The following OSBPL6 variants were observed in gnomAD, a reference collection of about 807,000 sequenced individuals.
The protein encoded by OSBPL6 is oxysterol-binding protein-related protein 6.
In OSBPL6, 49 loss-of-function variants were observed where a neutral mutation model predicts 125.8. The observed-to-expected ratio is 0.39, with a 90% CI of 0.31 to 0.49. The LOEUF (loss-of-function observed/expected upper bound fraction) is 0.49. Ranked by LOEUF, OSBPL6 falls within the 20% of genes least tolerant of loss-of-function variation. OSBPL6 has a pLI of 0.88. For synonymous variants in OSBPL6, 394 were observed against 391.8 expected, an observed-to-expected ratio of 1.01 and a Z score of -0.07; for missense variants, 986 against 1,135.4, an observed-to-expected ratio of 0.87 and a Z score of 1.89.
intron 2 of OSBPL6, among the ~76,000 whole-genome samples, chr2:178,293,226 A>G (rs746623200): frequency 2.6e-5 from 4 of 152,146 alleles, no homozygotes; most frequent in Non-Finnish European, 4.4e-5. Flanking sequence ...TGTGTACTGA[A>G]TCAAGTACAG....
intron 1 of OSBPL6, among the ~76,000 whole-genome samples, chr2:178,268,057 T>A (rs2092288875): frequency 6.6e-6 from 1 of 151,602 alleles, no homozygotes; most frequent in South Asian, 2.1e-4. Flanking sequence ...TTAAAGTAAA[T>A]ATGGTGCTTT....
rs1275846414 is a variant in OSBPL6 at position 178,384,125 on chromosome 2, G to A, written c.1962G>A (p.Glu654=). 1 of 1,614,002 alleles carries A rather than the reference G, an allele frequency of 6.2e-7. No homozygotes were observed. Among genetic ancestry groups the A allele is most frequent in the Non-Finnish European group, 8.5e-7 (1 of 1,179,998 alleles). Residue 654 remains glutamate, a synonymous_variant, in exon 18 of 25, where the codon GAG becomes GAA. Coordinates refer to ENST00000190611, the MANE Select transcript of OSBPL6 (RefSeq NM_032523.4). ...GSKPFNPVLG[E]TYECIREDKG... is the part of the protein sequence containing the mutation. ...AGCCATTCAACCCAGTCCTTGGGGA[G>A]ACTTATGAATGCATTAGAGAAGACA...
chr2:178,324,188 A>G lies in OSBPL6; in HGVS notation c.114A>G (p.Ile38Met). 1 of 1,543,760 alleles carries G rather than the reference A, an allele frequency of 6.5e-7. No homozygotes were observed. The highest frequency in any genetic ancestry group is 1.2e-5 in the South Asian group (1 of 83,224). The change falls in exon 4 of 25, where the codon ATA becomes ATG. Residue 38 changes from isoleucine (I) to methionine (M), a missense_variant. Transcript: ENST00000190611. ...TCATTTATTTTCAGAGTATTCACAT[A>G]CTGGAGAGGACTGCTTCCTCTAGCA... ...SQRDSRQSIHILERTASSSTE... is the reference protein window; with the variant it reads ...SQRDSRQSIHMLERTASSSTE...
intron 12 of OSBPL6, 132 bp downstream of exon 12, chr2:178,349,521 A>G (rs747475952): frequency 5.7e-6 from 6 of 1,054,506 alleles, no homozygotes; most frequent in Non-Finnish European, 8.0e-6. Context: ...TTGAAGTTCT[A>G]TATACAAAAA....
In OSBPL6 at chr2:178,402,397, G is replaced by C. The variant is rs373807425; in HGVS notation, c.*6838G>C. 7.2e-5 allele frequency: 11 copies of C among 152,178 alleles called. No homozygotes were observed. Among genetic ancestry groups the C allele is most frequent in the Non-Finnish European group, 1.6e-4 (11 of 68,044 alleles). 9.4% of individuals were successfully genotyped at this position (152,178 alleles called of 1,614,324 possible). ...CACCTTCCATTCTCTCTTAGGCTTT[G>C]TCTATGTCTCTAAGGGGAGTTTTTC... On this transcript the variant is annotated 3_prime_UTR_variant, in exon 25 of 25. Transcript: ENST00000190611.
At chr2:178,356,928 A>G (rs533938400) in intron 12 of OSBPL6, among the ~76,000 whole-genome samples, 68 of 152,332 alleles carry the variant, frequency 4.5e-4, no homozygotes, top group Non-Finnish European at 8.2e-4. Flanking sequence ...CCTCAGAAAC[A>G]ACACCACACA....
intron 1 of OSBPL6, among the ~76,000 whole-genome samples, chr2:178,243,755 C>T (rs1408457108): frequency 1.3e-5 from 2 of 152,270 alleles, no homozygotes; most frequent in African/African-American, 2.4e-5. Flanking sequence ...CAGGTTCAAG[C>T]GATTCTCCTG....
chr2:178,390,820 T>C (rs1695341691), intron 21 of OSBPL6, among the ~76,000 whole-genome samples: 1 of 152,316 alleles, frequency 6.6e-6, no homozygotes, highest in South Asian at 2.1e-4. Flanking sequence ...AATATTAGGT[T>C]CTTGGGATAG....
At chr2:178,312,202 C>T (rs995890623) in intron 3 of OSBPL6, among the ~76,000 whole-genome samples, 1 of 148,426 alleles carries the variant, frequency 6.7e-6, no homozygotes, top group Non-Finnish European at 1.5e-5. Flanking sequence ...GCTCTTTTTG[C>T]CCAGGCTGGA....
At chr2:178,275,357 C>CA (rs1362937081) in intron 1 of OSBPL6, among the ~76,000 whole-genome samples, 1 of 152,014 alleles carries the variant, frequency 6.6e-6, no homozygotes, top group Admixed American at 6.6e-5. Context: ...ACTAAAACTA[C>CA]AAAAATTAGC....
intron 1 of OSBPL6, among the ~76,000 whole-genome samples, chr2:178,255,988 T>C (rs779040078): frequency 6.6e-6 from 1 of 151,864 alleles, no homozygotes; most frequent in Admixed American, 6.6e-5. Context: ...TGCTGGGGGG[T>C]TGGAGGGCAG....
At chr2:178,202,815 G>A (rs1438938671) in intron 1 of OSBPL6, among the ~76,000 whole-genome samples, 2 of 140,292 alleles carry the variant, frequency 1.4e-5, no homozygotes, top group African/African-American at 5.3e-5. Context: ...GAGTGAGACT[G>A]TCTCAAAAAA....
intron 12 of OSBPL6, among the ~76,000 whole-genome samples, chr2:178,357,794 T>C (rs112334736): frequency 0.011 from 1,736 of 152,322 alleles, 28 homozygotes; most frequent in African/African-American, 0.04. Flanking sequence ...CATATGTTTA[T>C]TGCGGCACTA....
chr2:178,324,186 A>T lies in OSBPL6; in HGVS notation c.112A>T (p.Ile38Leu), dbSNP rs1270952626. The T allele has an allele frequency of 1.9e-6, 3 of 1,543,390 alleles. No individual in the cohort carries two copies. The highest frequency in any genetic ancestry group is 2.7e-6 in the Non-Finnish European group (3 of 1,129,890). Residue 38 changes from isoleucine to leucine, a missense_variant, in exon 4 of 25, where the codon ATA becomes TTA. By Grantham distance (5) the Ile-to-Leu change is conservative. This residue lies in a region of OSBPL6 where 130 missense variants were observed against 106.4 expected (regional missense o/e 1.22). Transcript: ENST00000190611. ...SQRDSRQSIH[I>L]LERTASSSTE... is the part of the protein sequence containing the mutation. ...TTTCATTTATTTTCAGAGTATTCACATACTGGAGAGGACTGCTTCCTCTAG... is the reference window on the plus strand; with the variant it reads ...TTTCATTTATTTTCAGAGTATTCACTTACTGGAGAGGACTGCTTCCTCTAG...
At chr2:178,224,402 C>A (rs1050094613) in intron 1 of OSBPL6, among the ~76,000 whole-genome samples, 2 of 151,980 alleles carry the variant, frequency 1.3e-5, no homozygotes, top group African/African-American at 2.4e-5. Flanking sequence ...GGAAAAAGAA[C>A]TTTGGAGACT....
intron 12 of OSBPL6, 36 bp downstream of exon 12, chr2:178,349,425 CTCT>C: frequency 6.3e-7 from 1 of 1,583,546 alleles, no homozygotes; most frequent in East Asian, 2.2e-5. Flanking sequence ...TAAAGAAGCT[CTCT>C]TCTTTGATGA....
intron 1 of OSBPL6, among the ~76,000 whole-genome samples, chr2:178,276,081 G>T (rs2092463140): frequency 6.6e-6 from 1 of 152,092 alleles, no homozygotes; most frequent in African/African-American, 2.4e-5. Context: ...TTGATGATAG[G>T]ATTTTCTACT....
At chr2:178,333,690 A>G (rs2154078364) in intron 8 of OSBPL6, among the ~76,000 whole-genome samples, 1 of 152,298 alleles carries the variant, frequency 6.6e-6, no homozygotes, top group South Asian at 2.1e-4. Flanking sequence ...GCCTTCCTGG[A>G]TGGTAATAAG....
At chr2:178,212,863 A>G (rs2089923316) in intron 1 of OSBPL6, among the ~76,000 whole-genome samples, 1 of 151,376 alleles carries the variant, frequency 6.6e-6, no homozygotes, top group African/African-American at 2.4e-5. Context: ...GCTAGAGTGC[A>G]ATGGTGCTAT....
Sources: gnomAD v4.1 joint callset for allele counts (sites outside exome capture counted in the v4.1 genomes callset) on GRCh38, gnomAD v4.1.1 for gene constraint, gnomAD v4.1.1 regional missense constraint, MANE v1.5 for transcripts, NCBI Gene and HGNC (gene_info 2026-07-23, HGNC 2026-07-21) for gene names.